KAZN: variants seen among roughly 807,000 people sequenced by gnomAD.
KAZN encodes kazrin, periplakin interacting protein, also known as kazrin.
A neutral mutation model predicts 87.4 loss-of-function variants in KAZN; 40 were observed. That is an observed-to-expected ratio of 0.46 (90% CI 0.36 to 0.60). The LOEUF (loss-of-function observed/expected upper bound fraction) is 0.60, where lower values mean the gene tolerates loss of function less well. KAZN is among the 20% of genes least tolerant of loss of function. The pLI is 0.00. For missense variants in KAZN, 898 were observed against 1,073.9 expected (o/e 0.84, Z 2.29); for synonymous variants, 466 against 458.3 (o/e 1.02, Z -0.22).
chr1:14,365,363 C>CGGG (rs754623672), intron 2 of KAZN, among the ~76,000 whole-genome samples: 12 of 90,274 alleles, frequency 1.3e-4, no homozygotes, highest in South Asian at 3.5e-4. Context: ...CCCCTCCCCC[C>CGGG]GGGGTGGGGG....
intron 2 of KAZN, among the ~76,000 whole-genome samples, chr1:14,470,787 G>A (rs964106446): frequency 1.3e-5 from 2 of 152,262 alleles, no homozygotes. Flanking sequence ...CTCCAGGATG[G>A]CTCCCCAAGA....
chr1:15,080,476 G>C (rs1385214846), intron 8 of KAZN, among the ~76,000 whole-genome samples: 5 of 152,064 alleles, frequency 3.3e-5, no homozygotes, highest in Non-Finnish European at 7.4e-5. Context: ...CCACAGTGGT[G>C]AGTGACTGAT....
intron 2 of KAZN, among the ~76,000 whole-genome samples, chr1:14,419,767 T>G (rs1474670406): frequency 1.3e-5 from 2 of 152,010 alleles, no homozygotes; most frequent in Non-Finnish European, 2.9e-5. Flanking sequence ...CGTCTGGTGT[T>G]GTTTGTCCCT....
At chr1:14,994,000 G>A (rs761505119) in intron 2 of KAZN, among the ~76,000 whole-genome samples, 8 of 152,162 alleles carry the variant, frequency 5.3e-5, no homozygotes, top group East Asian at 1.9e-4. Context: ...TCCCAGGTGC[G>A]ACGTAGAGCT....
chr1:14,055,824 G>A (rs1292509597), intron 1 of KAZN, among the ~76,000 whole-genome samples: 1 of 152,124 alleles, frequency 6.6e-6, no homozygotes, highest in Non-Finnish European at 1.5e-5. Flanking sequence ...AGAAAAATCA[G>A]CCTCCCGGAT....
At chr1:14,711,794 G>A (rs1323661125) in intron 1 of KAZN, among the ~76,000 whole-genome samples, 1 of 152,216 alleles carries the variant, frequency 6.6e-6, no homozygotes. Context: ...GGCAGCCACA[G>A]CTGACACCTT....
chr1:13,989,653 A>G (rs1450034944), intron 1 of KAZN, among the ~76,000 whole-genome samples: 2 of 152,188 alleles, frequency 1.3e-5, no homozygotes, highest in African/African-American at 4.8e-5. Context: ...AAATCAGTGA[A>G]TGGGAAAGGC....
intron 2 of KAZN, among the ~76,000 whole-genome samples, chr1:14,481,072 C>T (rs1221426430): frequency 2.0e-5 from 3 of 151,792 alleles, no homozygotes; most frequent in Non-Finnish European, 4.4e-5. Context: ...CATAGCTTTG[C>T]TCTGTTTTTT....
chr1:14,450,065 C>T (rs931848950), intron 2 of KAZN, among the ~76,000 whole-genome samples: 2 of 152,080 alleles, frequency 1.3e-5, no homozygotes, highest in Non-Finnish European at 2.9e-5. Flanking sequence ...TGCTTTCATG[C>T]AAATCTTAGC....
chr1:14,681,613 G>GTATGTA (rs1640591495), intron 1 of KAZN, among the ~76,000 whole-genome samples: 1 of 29,120 alleles, frequency 3.4e-5, no homozygotes, highest in African/African-American at 1.3e-4. Flanking sequence ...ATGTATATGT[G>GTATGTA]TATATATATA....
At chr1:13,918,504 C>T (rs942623724) in intron 1 of KAZN, among the ~76,000 whole-genome samples, 9 of 152,178 alleles carry the variant, frequency 5.9e-5, no homozygotes, top group African/African-American at 2.2e-4. Context: ...ATACTGTGAA[C>T]ATTGTTGAAA....
intron 2 of KAZN, among the ~76,000 whole-genome samples, chr1:14,375,653 G>A (rs955894266): frequency 7.2e-5 from 11 of 152,110 alleles, no homozygotes; most frequent in Non-Finnish European, 1.3e-4. Flanking sequence ...TTGGGAGGCC[G>A]AGGTGGGCGG....
At chr1:14,270,014 C>T (rs1051091524) in intron 2 of KAZN, among the ~76,000 whole-genome samples, 6 of 152,160 alleles carry the variant, frequency 3.9e-5, no homozygotes, top group African/African-American at 1.4e-4. Flanking sequence ...ATAGTGCCTG[C>T]ACCTGCTCCG....
chr1:14,686,802 T>C (rs1194255508), intron 1 of KAZN, among the ~76,000 whole-genome samples: 2 of 152,234 alleles, frequency 1.3e-5, no homozygotes, highest in Non-Finnish European at 1.5e-5. Flanking sequence ...TGGGGCTGCA[T>C]GGCCCAAGGC....
intron 2 of KAZN, among the ~76,000 whole-genome samples, chr1:15,034,251 A>G (rs1053366197): frequency 6.6e-6 from 1 of 152,168 alleles, no homozygotes; most frequent in African/African-American, 2.4e-5. Flanking sequence ...TTGTTGCTCT[A>G]CACTTTTGGT....
At chr1:15,102,273 G>T (rs1641100954) in intron 11 of KAZN, among the ~76,000 whole-genome samples, 1 of 152,202 alleles carries the variant, frequency 6.6e-6, no homozygotes, top group Non-Finnish European at 1.5e-5. Context: ...AAAACCCAGA[G>T]AAGTCTTCAG....
intron 1 of KAZN, among the ~76,000 whole-genome samples, chr1:14,723,241 C>T (rs1643209611): frequency 6.6e-6 from 1 of 152,170 alleles, no homozygotes; most frequent in Non-Finnish European, 1.5e-5. Flanking sequence ...GATCCTAATC[C>T]TGACTCCCAG....
chr1:13,933,185 T>C (rs1271203258), intron 1 of KAZN, among the ~76,000 whole-genome samples: 2 of 152,134 alleles, frequency 1.3e-5, no homozygotes, highest in African/African-American at 4.8e-5. Flanking sequence ...TCATTGTATT[T>C]TTTTTTTCAT....
chr1:14,298,406 C>T (rs1322878998), intron 2 of KAZN, among the ~76,000 whole-genome samples: 1 of 152,170 alleles, frequency 6.6e-6, no homozygotes, highest in African/African-American at 2.4e-5. Flanking sequence ...TATAAAAACT[C>T]ATTAGACTGT....
Sources: gnomAD v4.1 joint callset for allele counts (sites outside exome capture counted in the v4.1 genomes callset) on GRCh38, gnomAD v4.1.1 for gene constraint, MANE v1.5 for transcripts, NCBI Gene and HGNC (gene_info 2026-07-23, HGNC 2026-07-21) for gene names.